Variants in EGFR observed in about 807,000 individuals in gnomAD.
EGFR encodes epidermal growth factor receptor, also known as avian erythroblastic leukemia viral (v-erb-b) oncogene homolog.
Under a neutral mutation model 143.0 loss-of-function variants are expected in EGFR, and 58 were observed. The ratio of observed to expected loss-of-function variants is 0.41; its 90% CI spans 0.33 to 0.50. The LOEUF is 0.50. Among genes scored for constraint, EGFR ranks in the 20% least tolerant of loss-of-function variants. The probability of loss-of-function intolerance (pLI) is 0.39; values close to 1 mark genes in which losing one functional copy is unlikely to be tolerated. For synonymous variants in EGFR, 613 were observed against 594.4 expected (o/e 1.03, Z -0.45); for missense variants, 1,307 against 1,579.0 (o/e 0.83, Z 2.92).
chr7:55,036,780 G>A (rs1423922579), intron 1 of EGFR, among the ~76,000 whole-genome samples: 3 of 151,984 alleles, frequency 2.0e-5, no homozygotes, highest in African/African-American at 4.8e-5. Flanking sequence ...ATACTGTAGC[G>A]ACAAAGTAAC....
At chr7:55,110,878 G>T (rs1286373925) in intron 1 of EGFR, among the ~76,000 whole-genome samples, 1 of 152,182 alleles carries the variant, frequency 6.6e-6, no homozygotes, top group South Asian at 2.1e-4. Flanking sequence ...GCCAAGATGG[G>T]AGTGATTTCA....
chr7:55,111,313 C>T (rs1021160298), intron 1 of EGFR, among the ~76,000 whole-genome samples: 1 of 151,558 alleles, frequency 6.6e-6, no homozygotes, highest in African/African-American at 2.4e-5. Flanking sequence ...CCACAGTAAC[C>T]GGTTTCAGAG....
intron 24 of EGFR, 106 bp from the exon 25 acceptor site, chr7:55,201,082 G>A: frequency 7.1e-7 from 1 of 1,402,922 alleles, no homozygotes; most frequent in Non-Finnish European, 1.0e-6. Context: ...TAACAAAATT[G>A]GCAAACACAC....
rs369658792 is a variant in EGFR at position 55,200,292 on chromosome 7, T to C, written c.2849-24T>C. ...ATTTCTTCCAGTGTTCTAATTGCAC[T>C]GTTTTTTCTCATTCCTTCCCCAGGC... On this transcript the variant is annotated intron_variant, in intron 23 of 27. Transcript: ENST00000275493. The C allele has an allele frequency of 3.1e-6, 5 of 1,607,248 alleles. No homozygotes were observed. The African/African-American group carries it at 5.3e-5, about 17-fold the overall frequency.
In EGFR at chr7:55,152,542, T is replaced by A. The variant is rs771165011; in HGVS notation, c.629-4T>A. ...GCTCACAGGGAACCTTTGCTCTTTT[T>A]CAGTGACCAAAATCATCTGTGCCCA... On this transcript the variant is annotated splice_polypyrimidine_tract_variant and splice_region_variant and intron_variant, in intron 5 of 27. Transcript: ENST00000275493. 1 of 1,613,874 alleles carries A rather than the reference T, an allele frequency of 6.2e-7. No homozygotes were observed. Among genetic ancestry groups the A allele is most frequent in the Non-Finnish European group, 8.5e-7 (1 of 1,179,874 alleles).
At chr7:55,199,486 GC>G (rs1421444919) in intron 23 of EGFR, among the ~76,000 whole-genome samples, 1 of 152,220 alleles carries the variant, frequency 6.6e-6, no homozygotes, top group African/African-American at 2.4e-5. Context: ...AAATATTAAT[GC>G]CTTTCTGAAC....
chr7:55,054,212 C>T (rs1788656867), intron 1 of EGFR, among the ~76,000 whole-genome samples: 1 of 152,224 alleles, frequency 6.6e-6, no homozygotes, highest in Admixed American at 6.5e-5. Context: ...ACGCTTCGCT[C>T]CCTCTGATCT....
At position 55,206,556 on chromosome 7, in the gene EGFR, T is replaced by A. The variant is rs1485535046; in HGVS notation, c.*939T>A. 4.3e-6 allele frequency: 1 copy of A among 233,166 alleles called. No individual in the cohort carries two copies. Among genetic ancestry groups the A allele is most frequent in the Non-Finnish European group, 8.5e-6 (1 of 118,078 alleles). 14.4% of individuals were successfully genotyped at this position (233,166 alleles called of 1,614,324 possible). A position where few individuals can be genotyped will look rare whatever the true frequency, so the allele number is the denominator to read the frequency against. Reference sequence around the variant, plus strand: ...GCTTTTGTTCTCGCAAAAACGTATCTCCTAATTTGAGGCTCAGATGAAATG... The same window carrying A: ...GCTTTTGTTCTCGCAAAAACGTATCACCTAATTTGAGGCTCAGATGAAATG... On this transcript the variant is annotated 3_prime_UTR_variant, in exon 28 of 28. Coordinates refer to ENST00000275493, the MANE Select transcript of EGFR (RefSeq NM_005228.5).
chr7:55,195,959 G>C (rs902946018), intron 22 of EGFR, among the ~76,000 whole-genome samples: 3 of 152,014 alleles, frequency 2.0e-5, no homozygotes, highest in African/African-American at 7.3e-5. Flanking sequence ...CTTTGCTATT[G>C]TAAATAGTGC....
At chr7:55,062,169 T>C (rs1789223799) in intron 1 of EGFR, among the ~76,000 whole-genome samples, 2 of 152,194 alleles carry the variant, frequency 1.3e-5, no homozygotes, top group African/African-American at 4.8e-5. Flanking sequence ...AGGGTGGAAC[T>C]GTTCTGGAAG....
At chr7:55,062,198 C>T (rs959402591) in intron 1 of EGFR, among the ~76,000 whole-genome samples, 52 of 152,296 alleles carry the variant, frequency 3.4e-4, no homozygotes, top group African/African-American at 1.2e-3. Context: ...AATCTCAGCA[C>T]CAGCAGCTCT....
intron 1 of EGFR, among the ~76,000 whole-genome samples, chr7:55,057,644 T>A (rs1788907979): frequency 6.6e-6 from 1 of 152,200 alleles, no homozygotes; most frequent in East Asian, 1.9e-4. Context: ...CCAGCCTCTT[T>A]CCTTGTTTTG....
rs1786407341 is a variant in EGFR, at chr7:55,172,730, G to A, written c.1920-253G>A. 3.4e-6 allele frequency: 3 copies of A among 870,414 alleles called. No homozygotes were observed. In the South Asian group the frequency reaches 4.5e-5, roughly 13 times the overall value. The allele number at this position is 870,414 out of a possible 1,614,324, so 53.9% of individuals were successfully genotyped here. ...TTGAAAAATACTCATTATATGGAGA[G>A]GTCCAGATAAAGCCTCAATTTTAAA... On this transcript the variant is annotated intron_variant, in intron 16 of 27. Transcript: ENST00000275493.
chr7:55,189,544 C>G (rs1027290674), intron 20 of EGFR, among the ~76,000 whole-genome samples: 3 of 152,168 alleles, frequency 2.0e-5, no homozygotes, highest in African/African-American at 7.2e-5. Flanking sequence ...GGTGGTGAAA[C>G]GAAGCTGGGA....
At chr7:55,198,999 C>A (rs2128969123) in intron 23 of EGFR, 136 bp downstream of exon 23, 1 of 1,115,706 alleles carries the variant, frequency 9.0e-7, no homozygotes, top group Non-Finnish European at 1.3e-6. Context: ...CCAGAAACAT[C>A]TGTAAATACC....
At position 55,192,070 on chromosome 7, in the gene EGFR, A is replaced by G. The variant is rs6970262; in HGVS notation, c.2625+196A>G. Among the ~76,000 whole-genome samples the G allele has an allele frequency of 0.66, 100,709 of 151,976 alleles. 33,752 individuals are homozygous for G. Among genetic ancestry groups the G allele is most frequent in the East Asian group, 0.89 (4,579 of 5,120 alleles). On this transcript the variant is annotated intron_variant, in intron 21 of 27. Transcript: ENST00000275493. ...TGTGAGCCAGAGCTGCTTTGGGAACAGTACTTGCTGGGACAGTGAATGAGG... is the reference window on the plus strand; with the variant it reads ...TGTGAGCCAGAGCTGCTTTGGGAACGGTACTTGCTGGGACAGTGAATGAGG...
Position 55,202,667 on chromosome 7 carries a change from T to G in EGFR, c.3271+42T>G, listed in dbSNP as rs587777940. The G allele has an allele frequency of 1.7e-5, 27 of 1,555,584 alleles. No individual in the cohort carries two copies. Among genetic ancestry groups the G allele is most frequent in the Non-Finnish European group, 2.2e-5 (25 of 1,143,540 alleles). The stretch of plus-strand genomic sequence containing the variant: ...GAAACAGTCCTGCTCCTCAACCTCC[T>G]CGACCCACTCAGCAGCAGCCAGTCT... On this transcript the variant is annotated intron_variant, in intron 27 of 27. Coordinates refer to ENST00000275493, the MANE Select transcript of EGFR (RefSeq NM_005228.5).
Position 55,205,273 on chromosome 7 carries a change from G to C in EGFR, c.3289G>C (p.Val1097Leu), listed in dbSNP as rs775345513. ...LPVPEYINQS[V>L]PKRPAGSVQN... ...ACTTTCAGAATACATAAACCAGTCCGTTCCCAAAAGGCCCGCTGGCTCTGT... is the reference window on the plus strand; with the variant it reads ...ACTTTCAGAATACATAAACCAGTCCCTTCCCAAAAGGCCCGCTGGCTCTGT... Residue 1097 changes from valine to leucine, a missense_variant, in exon 28 of 28, where the codon GTT becomes CTT. Around this residue, in one of 7 missense-constraint regions of EGFR, gnomAD observed 313 missense variants for 312.3 expected, o/e 1.00. Transcript: ENST00000275493. 7 of 1,613,086 alleles carry C rather than the reference G, an allele frequency of 4.3e-6. No homozygotes were observed. Among genetic ancestry groups the C allele is most frequent in the East Asian group, 4.5e-5 (2 of 44,874 alleles).
chr7:55,164,596 T>C (rs1325034319), intron 14 of EGFR, among the ~76,000 whole-genome samples: 1 of 152,240 alleles, frequency 6.6e-6, no homozygotes, highest in Non-Finnish European at 1.5e-5. Flanking sequence ...CATCTAATTA[T>C]GCTGGCTCTG....
Sources: allele counts gnomAD v4.1 joint callset (sites outside exome capture counted in the v4.1 genomes callset), GRCh38; gene constraint gnomAD v4.1.1; regional missense constraint gnomAD v4.1.1; transcripts MANE v1.5; gene names NCBI Gene and HGNC (gene_info 2026-07-23, HGNC 2026-07-21).